Variants in JMY observed in about 807,000 individuals in gnomAD.
JMY encodes junction-mediating and -regulatory protein.
In JMY, 46 loss-of-function variants were observed where a neutral mutation model predicts 103.3. The ratio of observed to expected loss-of-function variants is 0.45; its 90% confidence interval spans 0.35 to 0.57. The LOEUF is 0.57. Among genes scored for constraint, JMY ranks in the 20% least tolerant of loss-of-function variants. The pLI, the probability that JMY is intolerant of heterozygous loss-of-function variation, is 0.00. For missense variants in JMY, 1,238 were observed against 1,255.2 expected (o/e 0.99, Z 0.21); for synonymous variants, 526 against 489.3 (o/e 1.07, Z -0.99).
chr5:79,315,465 A>T lies in JMY; in HGVS notation c.2660-535A>T, dbSNP rs575704218. Among the ~76,000 whole-genome samples the T allele has an allele frequency of 4.3e-4, 65 of 152,308 alleles. 1 individual carries two copies. The highest frequency in any genetic ancestry group is 1.5e-3 in the African/African-American group (62 of 41,576). ...TGCCTTTAAGGAATTTGCATTTTGC[A>T]TGGGGAGAACATTATATAAATGTTA... On this transcript the variant is annotated intron_variant, in intron 9 of 10. Coordinates refer to ENST00000396137, the MANE Select transcript of JMY (RefSeq NM_152405.5).
chr5:79,292,462 C>A (rs779863842), intron 4 of JMY, among the ~76,000 whole-genome samples: 2 of 151,984 alleles, frequency 1.3e-5, no homozygotes, highest in Admixed American at 6.6e-5. Context: ...CGCACCCCCC[C>A]CAACACCTTG....
chr5:79,248,385 C>A (rs1021242251), intron 1 of JMY, among the ~76,000 whole-genome samples: 2 of 152,022 alleles, frequency 1.3e-5, no homozygotes, highest in Non-Finnish European at 2.9e-5. Context: ...CGGCTCACTG[C>A]AGCCTCTGCC....
chr5:79,318,038 C>G (rs186357346), intron 10 of JMY, among the ~76,000 whole-genome samples: 8 of 152,258 alleles, frequency 5.3e-5, no homozygotes, highest in Admixed American at 3.9e-4. Flanking sequence ...GTTTCACTCT[C>G]TCACCCAGGG....
intron 9 of JMY, 150 bp from the exon 10 acceptor site, chr5:79,315,850 G>C (rs1747200873): frequency 2.9e-6 from 2 of 694,242 alleles, no homozygotes; most frequent in Non-Finnish European, 5.0e-6. Flanking sequence ...CTTGTGTTCT[G>C]ATCACCTTCT....
At chr5:79,242,626 C>T (rs891627955) in intron 1 of JMY, among the ~76,000 whole-genome samples, 4 of 152,142 alleles carry the variant, frequency 2.6e-5, no homozygotes, top group Admixed American at 6.5e-5. Flanking sequence ...CTAGATTTGT[C>T]TTAATCCAAA....
Position 79,237,502 on chromosome 5 carries a change from T to A in JMY, c.852T>A (p.Thr284=), listed in dbSNP as rs1330797692. 10 of 1,613,242 alleles carry A rather than the reference T, an allele frequency of 6.2e-6. No individual in the cohort carries two copies. In the Admixed American group the frequency reaches 1.0e-4, roughly 16 times the overall value. Residue 284 remains threonine, a synonymous_variant, in exon 1 of 11, where the codon ACT becomes ACA. Coordinates refer to ENST00000396137, the MANE Select transcript of JMY (RefSeq NM_152405.5). The part of the protein sequence containing the change: ...APEMTEQEID[T]LCYQLQVYLG... ...AGATGACCGAGCAGGAAATCGACAC[T>A]CTGTGTTACCAGCTCCAGGTCTACC...
At chr5:79,250,139 C>T (rs1745033984) in intron 1 of JMY, among the ~76,000 whole-genome samples, 1 of 152,150 alleles carries the variant, frequency 6.6e-6, no homozygotes, top group South Asian at 2.1e-4. Flanking sequence ...TCCTCCTAAA[C>T]CCAAACTTGT....
chr5:79,252,108 A>G (rs1023970117), intron 1 of JMY, among the ~76,000 whole-genome samples: 2 of 152,168 alleles, frequency 1.3e-5, no homozygotes, highest in Non-Finnish European at 2.9e-5. Flanking sequence ...ACTTATAGCT[A>G]TAAGTTTCCC....
chr5:79,236,581 G>C lies in JMY; in HGVS notation c.-70G>C, dbSNP rs1744506477. 2 of 1,208,028 alleles carry C rather than the reference G, an allele frequency of 1.7e-6. No homozygotes were observed. The highest frequency in any genetic ancestry group is 3.2e-5 in the African/African-American group (2 of 62,788). The allele number at this position is 1,208,028 out of a possible 1,614,324, so 74.8% of individuals were successfully genotyped here. On this transcript the variant is annotated 5_prime_UTR_variant, in exon 1 of 11. Transcript: ENST00000396137. ...GGCGAGGGTGAGCGGGGGGCGCGGC[G>C]CAGCCAGCGGGGAGTCCTCGGGCGG...
In JMY at chr5:79,326,228, G is replaced by C. The variant is rs1747640580; in HGVS notation, c.*4626G>C. On this transcript the variant is annotated 3_prime_UTR_variant, in exon 11 of 11. Transcript: ENST00000396137. Reference sequence around the variant, plus strand: ...GTTTTTAATTAGGCACACTAAGAGTGGCTAAATTTGGGGGAATTGGTGGAT... The same window carrying C: ...GTTTTTAATTAGGCACACTAAGAGTCGCTAAATTTGGGGGAATTGGTGGAT... The C allele has an allele frequency of 6.6e-6, 1 of 152,074 alleles. No individual in the cohort carries two copies. The highest frequency in any genetic ancestry group is 2.1e-4 in the South Asian group (1 of 4,826). The allele number at this position is 152,074 out of a possible 1,614,324, so 9.4% of individuals were successfully genotyped here. A position where few individuals can be genotyped will look rare whatever the true frequency, so the allele number is the denominator to read the frequency against.
chr5:79,320,037 C>T (rs1747398178), intron 10 of JMY, among the ~76,000 whole-genome samples: 1 of 152,062 alleles, frequency 6.6e-6, no homozygotes, highest in African/African-American at 2.4e-5. Flanking sequence ...TAGTCATGCT[C>T]AAGGAAATTT....
intron 10 of JMY, among the ~76,000 whole-genome samples, chr5:79,320,253 C>T (rs1747407416): frequency 6.6e-6 from 1 of 151,530 alleles, no homozygotes; most frequent in Non-Finnish European, 1.5e-5. Flanking sequence ...TGGTGGCTCA[C>T]ACCTGTAGTC....
intron 1 of JMY, among the ~76,000 whole-genome samples, chr5:79,238,954 T>C (rs1305610306): frequency 6.6e-6 from 1 of 152,180 alleles, no homozygotes; most frequent in Non-Finnish European, 1.5e-5. Context: ...TGAGCCACTG[T>C]GCCCGGCCTG....
chr5:79,315,962 G>T, intron 9 of JMY, 38 bp from the exon 10 acceptor site: 1 of 1,571,862 alleles, frequency 6.4e-7, no homozygotes, highest in Non-Finnish European at 8.7e-7. Context: ...ATTAAGTGCA[G>T]TCCTAACTGT....
At chr5:79,276,543 A>G (rs1392467664) in intron 1 of JMY, among the ~76,000 whole-genome samples, 3 of 152,164 alleles carry the variant, frequency 2.0e-5, no homozygotes, top group African/African-American at 7.2e-5. Flanking sequence ...CTCATGCCTC[A>G]GCCTCCCATA....
intron 7 of JMY, among the ~76,000 whole-genome samples, chr5:79,309,729 C>A (rs1213833174): frequency 6.6e-6 from 1 of 152,156 alleles, no homozygotes; most frequent in Non-Finnish European, 1.5e-5. Context: ...GATTACCTTT[C>A]TCCTAGAATC....
intron 6 of JMY, among the ~76,000 whole-genome samples, chr5:79,305,847 A>G (rs776467728): frequency 1.3e-5 from 2 of 152,176 alleles, no homozygotes; most frequent in Non-Finnish European, 2.9e-5. Flanking sequence ...TTAACAATAC[A>G]TATTTTATAT....
chr5:79,284,203 T>G (rs1580354083), intron 2 of JMY: 1 of 1,556,434 alleles, frequency 6.4e-7, no homozygotes. Flanking sequence ...TCGTCCCCAG[T>G]GGCTTTTCCA....
intron 1 of JMY, among the ~76,000 whole-genome samples, chr5:79,258,496 C>CT (rs1745323067): frequency 3.9e-5 from 6 of 152,060 alleles, no homozygotes; most frequent in African/African-American, 1.4e-4. Context: ...TCAGCTCCTG[C>CT]TACCAGTCTG....
Sources: allele counts gnomAD v4.1 joint callset (sites outside exome capture counted in the v4.1 genomes callset), GRCh38; gene constraint gnomAD v4.1.1; transcripts MANE v1.5; gene names NCBI Gene and HGNC (gene_info 2026-07-23, HGNC 2026-07-21).